The following PTPRD variants were observed in gnomAD, a reference collection of about 807,000 sequenced individuals.
PTPRD encodes protein tyrosine phosphatase receptor type D.
PTPRD carries 34 observed loss-of-function variants against 214.5 expected under a neutral mutation model. The ratio of observed to expected loss-of-function variants is 0.16; its 90% CI spans 0.12 to 0.21. PTPRD has a LOEUF of 0.21. PTPRD is among the 10% of genes least tolerant of loss of function. PTPRD has a pLI of 1.00. For missense variants in PTPRD, 2,545 were observed against 2,398.7 expected, an observed-to-expected ratio of 1.06 and a Z score of -1.27; for synonymous variants, 1,128 against 845.7, an observed-to-expected ratio of 1.33 and a Z score of -5.79.
chr9:8,431,369 A>C (rs781744248), intron 35 of PTPRD, among the ~76,000 whole-genome samples: 3 of 152,164 alleles, frequency 2.0e-5, no homozygotes, highest in Non-Finnish European at 4.4e-5. Flanking sequence ...TCCAGAGAAG[A>C]TATCAGGAAA....
At chr9:10,556,643 A>G (rs1046687782) in intron 2 of PTPRD, among the ~76,000 whole-genome samples, 4 of 152,118 alleles carry the variant, frequency 2.6e-5, no homozygotes, top group Non-Finnish European at 4.4e-5. Flanking sequence ...AATCGCACCA[A>G]TAAGTATTTT....
chr9:9,043,391 T>C (rs746023505), intron 10 of PTPRD, among the ~76,000 whole-genome samples: 16 of 152,170 alleles, frequency 1.1e-4, no homozygotes, highest in Non-Finnish European at 2.2e-4. Context: ...TCACCATTAT[T>C]AAACAATACA....
At chr9:9,287,706 T>A (rs933836089) in intron 9 of PTPRD, among the ~76,000 whole-genome samples, 11 of 152,026 alleles carry the variant, frequency 7.2e-5, no homozygotes, top group Admixed American at 2.0e-4. Flanking sequence ...TTTGCAGCAC[T>A]TTTGAAACAT....
At chr9:9,815,171 G>C (rs1272596767) in intron 5 of PTPRD, among the ~76,000 whole-genome samples, 1 of 152,054 alleles carries the variant, frequency 6.6e-6, no homozygotes, top group African/African-American at 2.4e-5. Flanking sequence ...ATAGACTAAT[G>C]GATCAGAATA....
At chr9:10,605,890 T>C (rs959686374) in intron 2 of PTPRD, among the ~76,000 whole-genome samples, 1 of 151,886 alleles carries the variant, frequency 6.6e-6, no homozygotes, top group Admixed American at 6.6e-5. Flanking sequence ...TATGCTGCCG[T>C]ATTATGCATA....
rs1219672728 is a variant in PTPRD at position 8,493,978 on chromosome 9, GCACA to G, written c.2350-1003_2350-1000del. On this transcript the variant is annotated intron_variant, in intron 26 of 45. Coordinates refer to ENST00000381196, the MANE Select transcript of PTPRD (RefSeq NM_002839.4). ...CATGCGCGCGTACACAGACACATGC[GCACA>G]CACACAGACACACACAGACACACAG... 8.9e-5 allele frequency among the ~76,000 whole-genome samples: 13 copies of G among 146,274 alleles called. 1 individual carries two copies. Among genetic ancestry groups the G allele is most frequent in the Non-Finnish European group, 1.5e-4 (10 of 66,636 alleles).
intron 2 of PTPRD, among the ~76,000 whole-genome samples, chr9:10,430,498 T>C (rs1261269953): frequency 1.4e-4 from 22 of 152,010 alleles, no homozygotes; most frequent in Non-Finnish European, 2.9e-4. Context: ...GCCTATAATT[T>C]AGAAAATATT....
rs575486500 is a variant in PTPRD, at chr9:9,062,494, A to G, written c.-142-43759T>C. Among the ~76,000 whole-genome samples, 6 of 152,180 alleles carry G rather than the reference A, an allele frequency of 3.9e-5. No individual in the cohort carries two copies. In the East Asian group the frequency reaches 1.2e-3, roughly 29 times the overall value. On this transcript the variant is annotated intron_variant, in intron 10 of 45. Transcript: ENST00000381196. ...TTGTATCCCCATGGATCTCACCCACACAGAAAAACAGGCATTATCTTTTCT... is the reference window on the plus strand; with the variant it reads ...TTGTATCCCCATGGATCTCACCCACGCAGAAAAACAGGCATTATCTTTTCT...
At chr9:10,122,731 G>A (rs2098786089) in intron 3 of PTPRD, among the ~76,000 whole-genome samples, 2 of 152,064 alleles carry the variant, frequency 1.3e-5, no homozygotes, top group South Asian at 2.1e-4. Flanking sequence ...TAATAGACAG[G>A]TATTTACAAA....
intron 9 of PTPRD, among the ~76,000 whole-genome samples, chr9:9,331,193 C>T (rs1030123033): frequency 2.6e-5 from 4 of 152,150 alleles, no homozygotes; most frequent in African/African-American, 7.2e-5. Context: ...CTCTCCAAAA[C>T]CAGCTTTCAC....
chr9:8,770,949 G>A (rs900933139), intron 11 of PTPRD, among the ~76,000 whole-genome samples: 17 of 152,090 alleles, frequency 1.1e-4, no homozygotes, highest in Non-Finnish European at 2.5e-4. Context: ...GGAGGCAGAG[G>A]CGGGTGGATC....
intron 39 of PTPRD, among the ~76,000 whole-genome samples, chr9:8,370,702 G>A (rs982250128): frequency 1.3e-5 from 2 of 151,980 alleles, no homozygotes; most frequent in African/African-American, 4.8e-5. Context: ...AGGTCACCAG[G>A]GAAGGCTTGA....
At chr9:8,876,936 A>AT (rs920295887) in intron 11 of PTPRD, among the ~76,000 whole-genome samples, 66 of 148,832 alleles carry the variant, frequency 4.4e-4, no homozygotes, top group South Asian at 2.1e-3. Flanking sequence ...CTTTTTCTTT[A>AT]TTTTTTTTTG....
chr9:9,243,451 T>G (rs903431624), intron 9 of PTPRD, among the ~76,000 whole-genome samples: 2 of 152,140 alleles, frequency 1.3e-5, no homozygotes, highest in Admixed American at 1.3e-4. Flanking sequence ...CATAATCAAG[T>G]GGGCTTCATC....
At chr9:8,650,316 G>C (rs1299298803) in intron 12 of PTPRD, among the ~76,000 whole-genome samples, 2 of 151,998 alleles carry the variant, frequency 1.3e-5, no homozygotes, top group Non-Finnish European at 2.9e-5. Context: ...GATCACCTGA[G>C]GTTAGGAGTT....
chr9:9,767,310 AAAGTT>A (rs2098715064), intron 5 of PTPRD, among the ~76,000 whole-genome samples: 2 of 152,206 alleles, frequency 1.3e-5, no homozygotes, highest in Admixed American at 1.3e-4. Flanking sequence ...AGCACTCATT[AAAGTT>A]AACAGAGATA....
chr9:10,612,417 C>T lies in PTPRD; in HGVS notation c.-619G>A, dbSNP rs1247954568. The T allele has an allele frequency of 1.3e-5, 2 of 152,236 alleles. No individual in the cohort carries two copies. The highest frequency in any genetic ancestry group is 4.8e-5 in the African/African-American group (2 of 41,444). The allele number at this position is 152,236 out of a possible 1,614,324, so 9.4% of individuals were successfully genotyped here. A position where few individuals can be genotyped will look rare whatever the true frequency, so the allele number is the denominator to read the frequency against. On this transcript the variant is annotated 5_prime_UTR_variant, in exon 2 of 46. Transcript: ENST00000381196. Reference sequence around the variant, plus strand: ...ACTTACTAAAGCAGCCGCTCCAGTCCTCCTTGGAAACCCTGAGGAGTCTTC... The same window carrying T: ...ACTTACTAAAGCAGCCGCTCCAGTCTTCCTTGGAAACCCTGAGGAGTCTTC...
chr9:8,713,260 A>G, intron 12 of PTPRD: 1 of 648,038 alleles, frequency 1.5e-6, no homozygotes, highest in Admixed American at 2.6e-5. Context: ...TCCACTTAAA[A>G]TCTTTATCCA....
intron 9 of PTPRD, among the ~76,000 whole-genome samples, chr9:9,369,316 T>C (rs1356981558): frequency 2.0e-5 from 3 of 152,112 alleles, no homozygotes; most frequent in Non-Finnish European, 4.4e-5. Context: ...TGGTGTGAGA[T>C]GGTATCTCAT....
Sources: gnomAD v4.1 joint callset for allele counts (sites outside exome capture counted in the v4.1 genomes callset) on GRCh38, gnomAD v4.1.1 for gene constraint, MANE v1.5 for transcripts, NCBI Gene and HGNC (gene_info 2026-07-23, HGNC 2026-07-21) for gene names.